CCBE1: variants seen among roughly 807,000 people sequenced by gnomAD.
The protein encoded by CCBE1 is collagen and calcium binding EGF domains 1.
In CCBE1, 37 loss-of-function variants were observed where a neutral mutation model predicts 50.0. The observed-to-expected ratio is 0.74, with a 90% CI of 0.57 to 0.97. The LOEUF is 0.97. Among genes scored for constraint, CCBE1 ranks in the 50% least tolerant of loss-of-function variants. CCBE1 has a pLI of 0.00. For missense variants in CCBE1, 538 were observed against 523.8 expected (o/e 1.03, Z -0.26); for synonymous variants, 234 against 203.7 (o/e 1.15, Z -1.27).
intron 2 of CCBE1, among the ~76,000 whole-genome samples, chr18:59,694,955 C>CTA (rs2144758755): frequency 6.6e-6 from 1 of 152,254 alleles, no homozygotes; most frequent in East Asian, 1.9e-4. Context: ...ATTTGAGTAG[C>CTA]TATTAGTGAA....
At chr18:59,554,866 C>T (rs1249810752) in intron 2 of CCBE1, among the ~76,000 whole-genome samples, 1 of 152,320 alleles carries the variant, frequency 6.6e-6, no homozygotes, top group Non-Finnish European at 1.5e-5. Flanking sequence ...CCCTTCTCCC[C>T]TTGCCTAGCC....
intron 2 of CCBE1, among the ~76,000 whole-genome samples, chr18:59,481,570 G>A (rs898705134): frequency 6.6e-6 from 1 of 152,094 alleles, no homozygotes; most frequent in Non-Finnish European, 1.5e-5. Context: ...CCTGAAAGCA[G>A]AGAAAAATTA....
chr18:59,543,873 G>A (rs1915581842), intron 2 of CCBE1, among the ~76,000 whole-genome samples: 1 of 144,846 alleles, frequency 6.9e-6, no homozygotes, highest in African/African-American at 2.6e-5. Flanking sequence ...AAACACTAAT[G>A]CGAGAATCAG....
chr18:59,561,127 G>A lies in CCBE1; in HGVS notation c.213-80889C>T, dbSNP rs761891584. Among the ~76,000 whole-genome samples, 88 of 152,314 alleles carry A rather than the reference G, an allele frequency of 5.8e-4. 1 individual carries two copies. The highest frequency in any genetic ancestry group is 3.4e-3 in the Middle Eastern group (1 of 294). On this transcript the variant is annotated intron_variant, in intron 2 of 10. Transcript: ENST00000439986. Reference sequence around the variant, plus strand: ...GAGTACTGAATGAGCTAAGCTCAGGGCAGTGTAAATGATAATCACCAAAAG... The same window carrying A: ...GAGTACTGAATGAGCTAAGCTCAGGACAGTGTAAATGATAATCACCAAAAG...
intron 2 of CCBE1, among the ~76,000 whole-genome samples, chr18:59,530,769 C>T (rs146542242): frequency 6.9e-4 from 105 of 152,322 alleles, no homozygotes; most frequent in African/African-American, 2.5e-3. Flanking sequence ...GTGATAAACA[C>T]ATACAAATGA....
chr18:59,646,048 A>G (rs2054051496), intron 2 of CCBE1, among the ~76,000 whole-genome samples: 1 of 152,032 alleles, frequency 6.6e-6, no homozygotes, highest in African/African-American at 2.4e-5. Flanking sequence ...AAAAAGAAAA[A>G]AAAAAGGTAT....
rs187599434 is a variant in CCBE1 at position 59,568,059 on chromosome 18, G to T, written c.213-87821C>A. The T allele has an allele frequency of 2.6e-5, 4 of 152,208 alleles. No homozygotes were observed. In the East Asian group the frequency reaches 7.7e-4, roughly 29 times the overall value. The allele number at this position is 152,208 out of a possible 1,614,324, so 9.4% of individuals were successfully genotyped here. ...CATATAGAGAGAACCACGGTTAGGA[G>T]AATCCTTTTCAGGGCAAGAGTGGGT... On this transcript the variant is annotated intron_variant, in intron 2 of 10. Transcript: ENST00000439986.
intron 2 of CCBE1, among the ~76,000 whole-genome samples, chr18:59,492,973 C>T (rs1009791003): frequency 1.3e-5 from 2 of 152,194 alleles, no homozygotes; most frequent in African/African-American, 4.8e-5. Context: ...GATCCTTCCT[C>T]CCACCACACT....
intron 2 of CCBE1, among the ~76,000 whole-genome samples, chr18:59,685,249 GC>G (rs1391850192): frequency 2.0e-5 from 3 of 152,242 alleles, no homozygotes; most frequent in African/African-American, 7.2e-5. Context: ...GAATGGCTCA[GC>G]TTAAGAAACC....
chr18:59,544,938 T>C (rs553919063), intron 2 of CCBE1, among the ~76,000 whole-genome samples: 57 of 152,368 alleles, frequency 3.7e-4, no homozygotes, highest in Middle Eastern at 6.8e-3. Context: ...ACATCTAATA[T>C]GAAGTTTAGT....
At chr18:59,659,144 G>A (rs1182110723) in intron 2 of CCBE1, among the ~76,000 whole-genome samples, 10 of 152,150 alleles carry the variant, frequency 6.6e-5, no homozygotes, top group South Asian at 4.1e-4. Context: ...ATGAAATAAT[G>A]ACTACAAGTA....
intron 2 of CCBE1, among the ~76,000 whole-genome samples, chr18:59,542,000 G>A (rs1357448835): frequency 6.6e-6 from 1 of 151,676 alleles, no homozygotes; most frequent in Non-Finnish European, 1.5e-5. Context: ...AACATGGTGA[G>A]ACCCTGTTTT....
intron 2 of CCBE1, among the ~76,000 whole-genome samples, chr18:59,617,490 A>C (rs894939684): frequency 1.3e-5 from 2 of 152,222 alleles, no homozygotes; most frequent in Non-Finnish European, 2.9e-5. Context: ...CTTTAATCAA[A>C]ATGGAGAGAA....
intron 3 of CCBE1, among the ~76,000 whole-genome samples, chr18:59,478,342 T>C (rs2143765129): frequency 6.6e-6 from 1 of 152,368 alleles, no homozygotes; most frequent in East Asian, 1.9e-4. Context: ...TACAATATTT[T>C]CTGAAATACT....
At chr18:59,598,044 T>G (rs1427811062) in intron 2 of CCBE1, among the ~76,000 whole-genome samples, 1 of 149,452 alleles carries the variant, frequency 6.7e-6, no homozygotes, top group East Asian at 2.0e-4. Flanking sequence ...GTAGGGAAAA[T>G]GGAGGTTAGG....
intron 2 of CCBE1, among the ~76,000 whole-genome samples, chr18:59,563,296 T>C (rs1279876227): frequency 6.6e-6 from 1 of 152,106 alleles, no homozygotes; most frequent in Non-Finnish European, 1.5e-5. Context: ...CTGCTAAAAA[T>C]AAGCACAATT....
chr18:59,437,738 G>A (rs980647576), intron 10 of CCBE1, among the ~76,000 whole-genome samples: 8 of 152,158 alleles, frequency 5.3e-5, no homozygotes, highest in African/African-American at 1.9e-4. Context: ...TGCAGCAGTG[G>A]CTAAATTCTC....
Position 59,635,326 on chromosome 18 carries a change from C to G in CCBE1, c.212+61303G>C, listed in dbSNP as rs557794830. ...GCAAACAAAAAGAGAAAGTAAAGTACAAACAGTATGTCACCATAGGACTTG... is the reference window on the plus strand; with the variant it reads ...GCAAACAAAAAGAGAAAGTAAAGTAGAAACAGTATGTCACCATAGGACTTG... On this transcript the variant is annotated intron_variant, in intron 2 of 10. Coordinates refer to ENST00000439986, the MANE Select transcript of CCBE1 (RefSeq NM_133459.4). Among the ~76,000 whole-genome samples the G allele has an allele frequency of 1.4e-3, 205 of 151,578 alleles. 1 individual carries two copies. Among genetic ancestry groups the G allele is most frequent in the African/African-American group, 4.8e-3 (197 of 41,040 alleles).
chr18:59,457,415 C>G (rs1911247485), intron 5 of CCBE1, among the ~76,000 whole-genome samples: 1 of 152,194 alleles, frequency 6.6e-6, no homozygotes, highest in African/African-American at 2.4e-5. Flanking sequence ...CGACCTTGGG[C>G]AGGTTACTTG....
Sources: gnomAD v4.1 joint callset for allele counts (sites outside exome capture counted in the v4.1 genomes callset) on GRCh38, gnomAD v4.1.1 for gene constraint, MANE v1.5 for transcripts, NCBI Gene and HGNC (gene_info 2026-07-23, HGNC 2026-07-21) for gene names.